Variants in ANKRD12 observed in about 807,000 individuals in gnomAD.
The protein encoded by ANKRD12 is ankyrin repeat domain-containing protein 12.
A neutral mutation model predicts 183.4 loss-of-function variants in ANKRD12; 85 were observed. The ratio of observed to expected loss-of-function variants is 0.46; its 90% CI spans 0.39 to 0.56. The LOEUF (loss-of-function observed/expected upper bound fraction) is 0.56. Ranked by LOEUF, ANKRD12 falls within the 20% of genes least tolerant of loss-of-function variation. The pLI is 0.00. For missense variants in ANKRD12, 2,405 were observed against 2,357.1 expected (o/e 1.02, Z -0.42); for synonymous variants, 914 against 800.2 (o/e 1.14, Z -2.40).
chr18:9,166,798 T>A (rs1474758308), intron 1 of ANKRD12, among the ~76,000 whole-genome samples: 2 of 152,248 alleles, frequency 1.3e-5, no homozygotes, highest in Non-Finnish European at 1.5e-5. Context: ...TGCCCATGCC[T>A]GTGTCCTGAA....
At chr18:9,158,450 T>C (rs907876165) in intron 1 of ANKRD12, among the ~76,000 whole-genome samples, 4 of 152,158 alleles carry the variant, frequency 2.6e-5, no homozygotes, top group African/African-American at 7.2e-5. Context: ...AACTTGACAG[T>C]GTTAAGGAGT....
intron 8 of ANKRD12, among the ~76,000 whole-genome samples, chr18:9,239,268 G>A (rs185694254): frequency 6.6e-6 from 1 of 152,186 alleles, no homozygotes; most frequent in East Asian, 1.9e-4. Flanking sequence ...AATTGCTGTC[G>A]CTTCTGAAAA....
intron 6 of ANKRD12, among the ~76,000 whole-genome samples, chr18:9,213,882 T>G (rs538150385): frequency 3.9e-5 from 6 of 152,082 alleles, no homozygotes; most frequent in African/African-American, 1.2e-4. Flanking sequence ...ACTGAAAGAC[T>G]CTAATCAAGC....
Position 9,257,980 on chromosome 18 carries a change from A to C in ANKRD12, c.4713A>C (p.Glu1571Asp). ...VPVYSDSTIQ[E>D]ASPNFEKAYT... is the part of the protein sequence containing the mutation. ...TGTACTCTGACAGCACTATTCAAGA[A>C]GCATCACCAAACTTTGAGAAAGCTT... is the stretch of plus-strand genomic sequence containing the variant. Residue 1571 changes from glutamate to aspartate, a missense_variant, in exon 9 of 13, where the codon GAA becomes GAC. Physicochemically the swap from Glu to Asp is conservative, Grantham distance 45 (BLOSUM62 2). Coordinates refer to ENST00000262126, the MANE Select transcript of ANKRD12 (RefSeq NM_015208.5). 6.2e-7 allele frequency: 1 copy of C among 1,613,886 alleles called. No individual in the cohort carries two copies. Among genetic ancestry groups the C allele is most frequent in the Non-Finnish European group, 8.5e-7 (1 of 1,179,950 alleles).
intron 8 of ANKRD12, among the ~76,000 whole-genome samples, chr18:9,241,877 T>G (rs1357378541): frequency 6.6e-6 from 1 of 151,674 alleles, no homozygotes; most frequent in African/African-American, 2.4e-5. Context: ...CCCAAGAGTT[T>G]TAAATTCCAG....
Position 9,257,588 on chromosome 18 carries a change from A to G in ANKRD12, c.4321A>G (p.Ile1441Val), listed in dbSNP as rs772036394. The change falls in exon 9 of 13, where the codon ATA (isoleucine) becomes GTA (valine). Residue 1441 changes from isoleucine (I) to valine (V), a missense_variant. Physicochemically the swap from Ile to Val is conservative, Grantham distance 29 (BLOSUM62 3). This residue lies in a region of ANKRD12 where 1,983 missense variants were observed against 1,725.9 expected (regional missense o/e 1.15). Coordinates refer to ENST00000262126, the MANE Select transcript of ANKRD12 (RefSeq NM_015208.5). ...AGACTTTATCTGCCCAAATTCTAAC[A>G]TACCTGATCAAGAATCCTCTCTTCA... ...TRDFICPNSN[I>V]PDQESSLQSF... The G allele has an allele frequency of 6.2e-7, 1 of 1,614,086 alleles. No homozygotes were observed. The highest frequency in any genetic ancestry group is 8.5e-7 in the Non-Finnish European group (1 of 1,179,974).
At chr18:9,179,527 G>GGGGGCA (rs1377448806) in intron 1 of ANKRD12, among the ~76,000 whole-genome samples, 2 of 151,938 alleles carry the variant, frequency 1.3e-5, no homozygotes, top group African/African-American at 4.8e-5. Flanking sequence ...TTTTTTTGAG[G>GGGGGCA]GGGGCAGGGG....
intron 4 of ANKRD12, among the ~76,000 whole-genome samples, chr18:9,205,164 C>T (rs2035408433): frequency 6.6e-6 from 1 of 152,094 alleles, no homozygotes; most frequent in Non-Finnish European, 1.5e-5. Flanking sequence ...TCAGTAATTG[C>T]TCCAGATAGA....
intron 8 of ANKRD12, among the ~76,000 whole-genome samples, chr18:9,222,624 G>A (rs1380424920): frequency 3.3e-5 from 5 of 151,902 alleles, no homozygotes; most frequent in Non-Finnish European, 5.9e-5. Context: ...CTGTTTCCTC[G>A]TAAAATCTTA....
At position 9,262,786 on chromosome 18, in the gene ANKRD12, C is replaced by CTTTTTTTTTTTTTTTTTTTTTTTTTTTTT. The variant is rs775877613; in HGVS notation, c.5665-1004_5665-1003insTTTTTTTTTTTTTTTTTTTTTTTTTTTTT. Reference sequence around the variant, plus strand: ...AGCCACCATGCCCAGCCAAGATGTCCCTTTTTTTTTTTTTTTTTTTTTTTT... The same window carrying CTTTTTTTTTTTTTTTTTTTTTTTTTTTTT: ...AGCCACCATGCCCAGCCAAGATGTCCTTTTTTTTTTTTTTTTTTTTTTTTTTTTTCTTTTTTTTTTTTTTTTTTTTTTTT... On this transcript the variant is annotated intron_variant, in intron 9 of 12. Coordinates refer to ENST00000262126, the MANE Select transcript of ANKRD12 (RefSeq NM_015208.5). Among the ~76,000 whole-genome samples the CTTTTTTTTTTTTTTTTTTTTTTTTTTTTT allele has an allele frequency of 6.8e-5, 6 of 87,932 alleles. 3 individuals are homozygous for CTTTTTTTTTTTTTTTTTTTTTTTTTTTTT. 57.7% of individuals were successfully genotyped at this position (87,932 alleles called of 152,430 possible).
Position 9,244,185 on chromosome 18 carries a change from T to C in ANKRD12, c.944-10026T>C, listed in dbSNP as rs150953805. ...TCTTAACTGAAGAAAGACTTACTTTTAGATCAAAGGGAATTATTTTAAACC... is the reference window on the plus strand; with the variant it reads ...TCTTAACTGAAGAAAGACTTACTTTCAGATCAAAGGGAATTATTTTAAACC... On this transcript the variant is annotated intron_variant, in intron 8 of 12. Coordinates refer to ENST00000262126, the MANE Select transcript of ANKRD12 (RefSeq NM_015208.5). Among the ~76,000 whole-genome samples the C allele has an allele frequency of 2.6e-4, 40 of 152,282 alleles. No homozygotes were observed. The East Asian group carries it at 6.9e-3, about 26-fold the overall frequency.
intron 8 of ANKRD12, among the ~76,000 whole-genome samples, chr18:9,222,928 G>C (rs192250921): frequency 6.6e-6 from 1 of 152,116 alleles, no homozygotes; most frequent in Non-Finnish European, 1.5e-5. Flanking sequence ...AAAAGAAAAT[G>C]AAGTCATGGA....
chr18:9,260,678 T>C (rs982023095), intron 9 of ANKRD12, among the ~76,000 whole-genome samples: 2 of 152,148 alleles, frequency 1.3e-5, no homozygotes, highest in African/African-American at 4.8e-5. Flanking sequence ...GACCCAGATA[T>C]TGAAAGAGAA....
chr18:9,147,788 T>C (rs565132897), intron 1 of ANKRD12, among the ~76,000 whole-genome samples: 135 of 152,306 alleles, frequency 8.9e-4, no homozygotes, highest in Non-Finnish European at 1.5e-3. Context: ...AAAATAATTA[T>C]TTTAGGAAGA....
intron 1 of ANKRD12, among the ~76,000 whole-genome samples, chr18:9,157,664 A>G (rs1470667488): frequency 7.0e-6 from 1 of 142,502 alleles, no homozygotes; most frequent in Non-Finnish European, 1.5e-5. Flanking sequence ...GTGCAGTGGC[A>G]TGATCTCGAC....
intron 9 of ANKRD12, among the ~76,000 whole-genome samples, chr18:9,261,813 A>T (rs2038983941): frequency 1.3e-5 from 2 of 152,032 alleles, no homozygotes; most frequent in Non-Finnish European, 2.9e-5. Flanking sequence ...CTCTTCCTTT[A>T]AGATGCAGGT....
intron 2 of ANKRD12, among the ~76,000 whole-genome samples, chr18:9,193,795 G>C (rs908423658): frequency 1.3e-5 from 2 of 152,128 alleles, no homozygotes; most frequent in Admixed American, 6.5e-5. Context: ...ATAGCTTGGG[G>C]AATGTTCTTT....
At chr18:9,196,854 C>A (rs1036196251) in intron 3 of ANKRD12, among the ~76,000 whole-genome samples, 1 of 149,668 alleles carries the variant, frequency 6.7e-6, no homozygotes, top group Non-Finnish European at 1.5e-5. Context: ...TTTTTTTTTT[C>A]CCCCCGAAGC....
At chr18:9,207,337 TA>T (rs2035544069) in intron 4 of ANKRD12, among the ~76,000 whole-genome samples, 1 of 152,100 alleles carries the variant, frequency 6.6e-6, no homozygotes, top group African/African-American at 2.4e-5. Context: ...AAAGTTGATT[TA>T]AATAAGTCTT....
Sources: gnomAD v4.1 joint callset for allele counts (sites outside exome capture counted in the v4.1 genomes callset) on GRCh38, gnomAD v4.1.1 for gene constraint, gnomAD v4.1.1 regional missense constraint, MANE v1.5 for transcripts, NCBI Gene and HGNC (gene_info 2026-07-23, HGNC 2026-07-21) for gene names.